PCSK5: variants seen among roughly 807,000 people sequenced by gnomAD.
The protein encoded by PCSK5 is proprotein convertase subtilisin/kexin type 5, also known as prohormone convertase 5.
A neutral mutation model predicts 233.2 loss-of-function variants in PCSK5; 129 were observed. That is an observed-to-expected ratio of 0.55 (90% CI 0.48 to 0.64). The LOEUF (loss-of-function observed/expected upper bound fraction) is 0.64, where lower values mean the gene tolerates loss of function less well. PCSK5 is among the 30% of genes least tolerant of loss of function. The pLI, the probability that PCSK5 is intolerant of heterozygous loss-of-function variation, is 0.00. For synonymous variants in PCSK5, 825 were observed against 879.2 expected (o/e 0.94, Z 1.09); for missense variants, 2,076 against 2,430.1 (o/e 0.85, Z 3.06).
chr9:76,268,690 CA>C (rs1014838062), intron 24 of PCSK5, among the ~76,000 whole-genome samples: 1 of 152,178 alleles, frequency 6.6e-6, no homozygotes, highest in Admixed American at 6.5e-5. Context: ...CAAAAAAATA[CA>C]AAAACTAGCC....
chr9:76,158,018 ACTCATTCACTAAGTAACTATTTTTCT>A (rs1427568715), intron 11 of PCSK5, among the ~76,000 whole-genome samples: 3 of 152,156 alleles, frequency 2.0e-5, no homozygotes, highest in Non-Finnish European at 4.4e-5. Flanking sequence ...TCATTCACAA[ACTCATTCACTAAGTAACTATTTTTCT>A]CGCACTTACT....
At chr9:76,207,705 G>A (rs1371393070) in intron 20 of PCSK5, among the ~76,000 whole-genome samples, 1 of 152,182 alleles carries the variant, frequency 6.6e-6, no homozygotes, top group Non-Finnish European at 1.5e-5. Context: ...CTACCGAATG[G>A]GTTGTCAGTC....
chr9:75,899,898 G>GA (rs753685259), intron 1 of PCSK5, among the ~76,000 whole-genome samples: 7 of 152,206 alleles, frequency 4.6e-5, no homozygotes, highest in Non-Finnish European at 7.3e-5. Flanking sequence ...GCCACCAGAA[G>GA]AAAGGGTGCC....
rs1392972875 is a variant in PCSK5, at chr9:76,241,718, T to C, written c.3142+1034T>C. 2.0e-5 allele frequency among the ~76,000 whole-genome samples: 3 copies of C among 152,222 alleles called. No homozygotes were observed. In the East Asian group the frequency reaches 5.8e-4, roughly 29 times the overall value. Reference sequence around the variant, plus strand: ...ATAGGGAGGTTACTGAATTCCAGGATTGTTTCTTAATGTACGTTTAGGCAA... The same window carrying C: ...ATAGGGAGGTTACTGAATTCCAGGACTGTTTCTTAATGTACGTTTAGGCAA... On this transcript the variant is annotated intron_variant, in intron 24 of 37. Coordinates refer to ENST00000674117, the MANE Select transcript of PCSK5 (RefSeq NM_001372043.1).
At chr9:75,993,651 T>C (rs1005306604) in intron 3 of PCSK5, among the ~76,000 whole-genome samples, 3 of 152,224 alleles carry the variant, frequency 2.0e-5, no homozygotes, top group Non-Finnish European at 2.9e-5. Flanking sequence ...TGACTCATCA[T>C]GTAGTCATTC....
At chr9:76,077,932 A>G (rs1403145105) in intron 7 of PCSK5, among the ~76,000 whole-genome samples, 1 of 152,224 alleles carries the variant, frequency 6.6e-6, no homozygotes, top group African/African-American at 2.4e-5. Flanking sequence ...CAGTAATGGA[A>G]TTGCTAGGTT....
intron 7 of PCSK5, among the ~76,000 whole-genome samples, chr9:76,089,917 A>T (rs1831216570): frequency 6.6e-6 from 1 of 152,198 alleles, no homozygotes; most frequent in Non-Finnish European, 1.5e-5. Flanking sequence ...ATAGGGTAAT[A>T]CAAATTGATT....
At chr9:75,899,892 C>T (rs1365866422) in intron 1 of PCSK5, among the ~76,000 whole-genome samples, 1 of 152,018 alleles carries the variant, frequency 6.6e-6, no homozygotes, top group African/African-American at 2.4e-5. Flanking sequence ...GAGAGAGCCA[C>T]CAGAAGAAAG....
At chr9:75,985,947 A>C (rs763366537) in intron 2 of PCSK5, among the ~76,000 whole-genome samples, 185 bp from the exon 3 acceptor site, 1 of 151,982 alleles carries the variant, frequency 6.6e-6, no homozygotes, top group African/African-American at 2.4e-5. Flanking sequence ...TGCATTAAAC[A>C]AACAAAAAAA....
intron 16 of PCSK5, among the ~76,000 whole-genome samples, chr9:76,183,101 A>T (rs1010249128): frequency 3.9e-5 from 6 of 152,222 alleles, no homozygotes; most frequent in African/African-American, 1.4e-4. Context: ...AAGAATCCAC[A>T]GAAATATGCA....
chr9:76,351,579 A>G (rs528731412), intron 36 of PCSK5, among the ~76,000 whole-genome samples: 3 of 127,550 alleles, frequency 2.4e-5, no homozygotes, highest in African/African-American at 7.9e-5. Context: ...AAGGGAAGGG[A>G]GGAAGGAGAG....
chr9:76,167,929 T>C (rs1485377265), intron 12 of PCSK5, among the ~76,000 whole-genome samples: 2 of 152,320 alleles, frequency 1.3e-5, no homozygotes, highest in East Asian at 3.9e-4. Flanking sequence ...ATTTTAGAGA[T>C]ATTTTTCCTC....
intron 24 of PCSK5, among the ~76,000 whole-genome samples, chr9:76,277,006 T>C (rs1827713476): frequency 6.6e-6 from 1 of 152,136 alleles, no homozygotes; most frequent in Non-Finnish European, 1.5e-5. Flanking sequence ...GGCGGGTGGA[T>C]CACCTGAGGT....
chr9:75,978,121 C>A lies in PCSK5; in HGVS notation c.298-8011C>A, dbSNP rs146960713. Among the ~76,000 whole-genome samples, 606 of 152,178 alleles carry A rather than the reference C, an allele frequency of 4.0e-3. 4 individuals carry two copies. Among genetic ancestry groups the A allele is most frequent in the Non-Finnish European group, 6.8e-3 (460 of 67,980 alleles). ...AGGATTAAGCCTAAATTTTTGGCTC[C>A]TTTTTTTCCACTCCCTTCTATTTAA... On this transcript the variant is annotated intron_variant, in intron 2 of 37. Transcript: ENST00000674117.
chr9:75,912,142 G>A (rs1822769609), intron 1 of PCSK5, among the ~76,000 whole-genome samples: 1 of 151,166 alleles, frequency 6.6e-6, no homozygotes, highest in Non-Finnish European at 1.5e-5. Context: ...ACAGAGACTG[G>A]AAATTTTTTT....
At chr9:75,897,359 G>A (rs1371086093) in intron 1 of PCSK5, among the ~76,000 whole-genome samples, 3 of 151,916 alleles carry the variant, frequency 2.0e-5, no homozygotes, top group African/African-American at 4.8e-5. Flanking sequence ...TCCCCCAAGA[G>A]CCATGGAGAC....
At chr9:76,297,101 A>G (rs7025902) in intron 27 of PCSK5, among the ~76,000 whole-genome samples, 24,863 of 151,960 alleles carry the variant, frequency 0.16, 2,465 homozygotes, top group African/African-American at 0.27. Context: ...GGCAATTTAT[A>G]ATTAGTCTAC....
At chr9:76,212,244 A>G (rs1344626288) in intron 20 of PCSK5, among the ~76,000 whole-genome samples, 6 of 152,232 alleles carry the variant, frequency 3.9e-5, no homozygotes, top group African/African-American at 1.4e-4. Flanking sequence ...ATGACACTCT[A>G]TCTGGCAACA....
chr9:75,932,965 T>C (rs879849142), intron 2 of PCSK5, among the ~76,000 whole-genome samples: 10 of 152,166 alleles, frequency 6.6e-5, no homozygotes, highest in African/African-American at 9.7e-5. Flanking sequence ...GACTAGACTG[T>C]GTCTGGAACA....
Sources: gnomAD v4.1 joint callset for allele counts (sites outside exome capture counted in the v4.1 genomes callset) on GRCh38, gnomAD v4.1.1 for gene constraint, MANE v1.5 for transcripts, NCBI Gene and HGNC (gene_info 2026-07-23, HGNC 2026-07-21) for gene names.